The following CAMK2B variants were observed in gnomAD, a reference collection of about 807,000 sequenced individuals.
The protein encoded by CAMK2B is calcium/calmodulin-dependent protein kinase type II subunit beta.
In CAMK2B, 27 loss-of-function variants were observed where a neutral mutation model predicts 93.7. The ratio of observed to expected loss-of-function variants is 0.29; its 90% CI spans 0.21 to 0.40. The LOEUF (loss-of-function observed/expected upper bound fraction) is 0.40, where lower values mean the gene tolerates loss of function less well. CAMK2B is among the 10% of genes least tolerant of loss of function. CAMK2B has a pLI of 1.00. For missense variants in CAMK2B, 568 were observed against 895.8 expected (o/e 0.63, Z 4.67); for synonymous variants, 374 against 358.8 (o/e 1.04, Z -0.48).
chr7:44,301,301 T>A lies in CAMK2B; in HGVS notation c.66-17076A>T, dbSNP rs550774398. Reference sequence around the variant, plus strand: ...CACCACCATGCCCTGTGATGTTTTTTGTTTGTTTGTTTGTTTTTAGAAACA... The same window carrying A: ...CACCACCATGCCCTGTGATGTTTTTAGTTTGTTTGTTTGTTTTTAGAAACA... On this transcript the variant is annotated intron_variant, in intron 1 of 23. Transcript: ENST00000395749. 4.6e-5 allele frequency among the ~76,000 whole-genome samples: 7 copies of A among 152,218 alleles called. No homozygotes were observed. The East Asian group carries it at 1.4e-3, about 29-fold the overall frequency.
chr7:44,245,996 G>T (rs1277886728), intron 6 of CAMK2B, among the ~76,000 whole-genome samples: 1 of 152,044 alleles, frequency 6.6e-6, no homozygotes, highest in Non-Finnish European at 1.5e-5. Flanking sequence ...GGAAGGGAGA[G>T]AGGAAGGAGC....
chr7:44,300,208 T>C (rs564125629), intron 1 of CAMK2B, among the ~76,000 whole-genome samples: 1 of 152,100 alleles, frequency 6.6e-6, no homozygotes, highest in African/African-American at 2.4e-5. Flanking sequence ...CTAATTTTTT[T>C]AATTTTTTGT....
In CAMK2B at chr7:44,314,605, G is replaced by A. The variant is rs180882495; in HGVS notation, c.65+10752C>T. On this transcript the variant is annotated intron_variant, in intron 1 of 23. Coordinates refer to ENST00000395749, the MANE Select transcript of CAMK2B (RefSeq NM_001220.5). The stretch of plus-strand genomic sequence containing the variant: ...TGCTGCTATGAACCAGTTTTTGTGT[G>A]GACATATGTTTTCATAGCTCTTGGG... Among the ~76,000 whole-genome samples, 216 of 152,258 alleles carry A rather than the reference G, an allele frequency of 1.4e-3. 1 individual carries two copies. The highest frequency in any genetic ancestry group is 5.1e-3 in the African/African-American group (211 of 41,528).
In CAMK2B at chr7:44,231,012, C is replaced by A; in HGVS notation, c.1219G>T (p.Ala407Ser). 6.4e-7 allele frequency: 1 copy of A among 1,554,206 alleles called. No homozygotes were observed. Among genetic ancestry groups the A allele is most frequent in the Non-Finnish European group, 8.7e-7 (1 of 1,148,594 alleles). The change falls in exon 17 of 24, where the codon GCT becomes TCT. Residue 407 changes from alanine to serine, a missense_variant. Ala to Ser is a moderately conservative substitution (Grantham distance 99). Transcript: ENST00000395749. ...AGGACTCAAGTGCAGGTACCTTTAG[C>A]GTCTTCATCCTCTATGGTGGTATTG... ...SANTTIEDEDAKAPRVPDILS... is the reference protein window; with the variant it reads ...SANTTIEDEDSKAPRVPDILS...
chr7:44,229,735 G>A, intron 17 of CAMK2B: 1 of 447,350 alleles, frequency 2.2e-6, no homozygotes, highest in South Asian at 4.9e-5. Context: ...GCCAGAGCCA[G>A]CAGAGGCCAG....
At chr7:44,253,109 G>A (rs191988854) in intron 5 of CAMK2B, among the ~76,000 whole-genome samples, 1 of 152,188 alleles carries the variant, frequency 6.6e-6, no homozygotes. Context: ...TCCTACTGGT[G>A]CAGAGGCAAG....
At chr7:44,247,042 C>T in intron 6 of CAMK2B, 78 bp downstream of exon 6, 1 of 1,196,260 alleles carries the variant, frequency 8.4e-7, no homozygotes, top group Non-Finnish European at 1.2e-6. Flanking sequence ...ACACACTGTC[C>T]AGCCCCTCAC....
intron 4 of CAMK2B, among the ~76,000 whole-genome samples, chr7:44,258,397 G>T (rs937343630): frequency 1.1e-4 from 16 of 152,066 alleles, no homozygotes; most frequent in African/African-American, 3.9e-4. Context: ...ATGTGCTCAC[G>T]CGCCCCCACG....
intron 13 of CAMK2B, among the ~76,000 whole-genome samples, chr7:44,239,106 CA>C (rs1562858101): frequency 6.6e-6 from 1 of 152,238 alleles, no homozygotes; most frequent in Admixed American, 6.5e-5. Context: ...GGGGGATGCT[CA>C]GGGCAGACAT....
At chr7:44,301,725 C>T (rs776294829) in intron 1 of CAMK2B, among the ~76,000 whole-genome samples, 4 of 151,454 alleles carry the variant, frequency 2.6e-5, no homozygotes, top group Non-Finnish European at 4.4e-5. Flanking sequence ...TGCAGTAAGC[C>T]GAGATCGCGC....
chr7:44,221,901 T>C (rs570800518), intron 20 of CAMK2B, among the ~76,000 whole-genome samples: 1 of 152,342 alleles, frequency 6.6e-6, no homozygotes, highest in Non-Finnish European at 1.5e-5. Context: ...AATCTTAACA[T>C]TTTCCTATTT....
chr7:44,263,974 G>C (rs1440466469), intron 2 of CAMK2B: 1 of 154,788 alleles, frequency 6.5e-6, no homozygotes, highest in African/African-American at 2.4e-5. Context: ...GTCGAAACTA[G>C]GCAGTCGGTG....
chr7:44,278,227 T>C (rs955825267), intron 2 of CAMK2B, among the ~76,000 whole-genome samples: 4 of 152,140 alleles, frequency 2.6e-5, no homozygotes, highest in African/African-American at 7.2e-5. Flanking sequence ...AGAAAGCTAC[T>C]GGGTATTCAC....
At chr7:44,315,536 A>G (rs1794651388) in intron 1 of CAMK2B, among the ~76,000 whole-genome samples, 1 of 152,186 alleles carries the variant, frequency 6.6e-6, no homozygotes, top group Non-Finnish European at 1.5e-5. Context: ...CTCCTTTTTC[A>G]AGATTGTTTT....
chr7:44,275,299 T>C (rs755928049), intron 2 of CAMK2B, among the ~76,000 whole-genome samples: 19 of 152,252 alleles, frequency 1.2e-4, no homozygotes, highest in Admixed American at 3.3e-4. Flanking sequence ...TGGGACTCGG[T>C]GTCTACACAG....
At chr7:44,259,830 A>G (rs528491947) in intron 3 of CAMK2B, among the ~76,000 whole-genome samples, 35 of 152,162 alleles carry the variant, frequency 2.3e-4, no homozygotes, top group Non-Finnish European at 4.6e-4. Context: ...TTGCTAGAAC[A>G]ACGAGGACGA....
chr7:44,240,900 C>G, intron 11 of CAMK2B, 151 bp from the exon 12 acceptor site: 1 of 746,362 alleles, frequency 1.3e-6, no homozygotes, highest in Non-Finnish European at 2.3e-6. Flanking sequence ...GGCAAGAGCT[C>G]CAGGAAGCCA....
In CAMK2B at chr7:44,253,284, G is replaced by A. The variant is rs1357302362; in HGVS notation, c.341+1258C>T. Among the ~76,000 whole-genome samples, 6 of 150,644 alleles carry A rather than the reference G, an allele frequency of 4.0e-5. No homozygotes were observed. The East Asian group carries it at 1.2e-3, about 29-fold the overall frequency. On this transcript the variant is annotated intron_variant, in intron 5 of 23. Transcript: ENST00000395749. ...GCTGGAGTGCAATGGCGCAATCTCA[G>A]CTCACTGCAAACTCCGCCTCCTGGG...
rs1475343660 is a variant in CAMK2B at position 44,286,587 on chromosome 7, G to A, written c.66-2362C>T. Among the ~76,000 whole-genome samples, 4 of 152,180 alleles carry A rather than the reference G, an allele frequency of 2.6e-5. No homozygotes were observed. Among genetic ancestry groups the A allele is most frequent in the South Asian group, 2.1e-4 (1 of 4,826 alleles). ...AAGCCACAGCTGTTCCTCAGCACAC[G>A]ACATCCATGCACCATATCACCAAGA... On this transcript the variant is annotated intron_variant, in intron 1 of 23. Transcript: ENST00000395749. This position sits in a 1 kb window ranked among gnomAD's most constrained non-coding sequence, Gnocchi z 4.0.
Sources: gnomAD v4.1 joint callset for allele counts (sites outside exome capture counted in the v4.1 genomes callset) on GRCh38, gnomAD v4.1.1 for gene constraint, Gnocchi (gnomAD v3.1) non-coding constraint, MANE v1.5 for transcripts, NCBI Gene and HGNC (gene_info 2026-07-23, HGNC 2026-07-21) for gene names.